A1BG: variants seen among roughly 807,000 people sequenced by gnomAD.
A1BG encodes the protein alpha-1B-glycoprotein.
A1BG carries 44 observed loss-of-function variants against 46.0 expected under a neutral mutation model. The observed-to-expected ratio is 0.96, with a 90% CI of 0.75 to 1.23. The LOEUF (loss-of-function observed/expected upper bound fraction) is 1.23. Among genes scored for constraint, A1BG ranks in the 50% most tolerant of loss-of-function variants. The probability of loss-of-function intolerance (pLI) is 0.00; values close to 1 mark genes in which losing one functional copy is unlikely to be tolerated. For missense variants in A1BG, 707 were observed against 688.8 expected, an observed-to-expected ratio of 1.03 and a Z score of -0.30; for synonymous variants, 316 against 314.7, an observed-to-expected ratio of 1.00 and a Z score of -0.04.
Position 58,353,010 on chromosome 19 carries a change from G to A in A1BG, c.258C>T (p.Asp86=), listed in dbSNP as rs756170844. Residue 86 remains aspartate (D), a synonymous_variant, in exon 3 of 8, where the codon GAC becomes GAT. Coordinates refer to ENST00000263100, the MANE Select transcript of A1BG (RefSeq NM_130786.4). ...AGCGGCAGCGGTAGCGGCCCTGGGT[G>A]TCACCCGTCAGCAGGAACTGGTGCT... is the stretch of plus-strand genomic sequence containing the variant. ...AIKHQFLLTG[D]TQGRYRCRSG... The A allele has an allele frequency of 1.2e-6, 2 of 1,614,046 alleles. No individual in the cohort carries two copies. The highest frequency in any genetic ancestry group is 3.3e-5 in the Admixed American group (2 of 60,020).
Position 58,353,479 on chromosome 19 carries a change from G to A in A1BG, c.-42C>T. 8.9e-6 allele frequency: 14 copies of A among 1,579,478 alleles called. No homozygotes were observed. The highest frequency in any genetic ancestry group is 1.4e-5 in the African/African-American group (1 of 72,674). On this transcript the variant is annotated 5_prime_UTR_variant, in exon 1 of 8. Coordinates refer to ENST00000263100, the MANE Select transcript of A1BG (RefSeq NM_130786.4). ...CCGGTGCAGTGAGTGTCTGGGGTGA[G>A]CGTCTGCAGCAATGAGGCCCCAAGG... is the stretch of plus-strand genomic sequence containing the variant.
intron 6 of A1BG, 186 bp from the exon 7 acceptor site, chr19:58,347,826 C>G: frequency 2.8e-6 from 1 of 356,900 alleles, no homozygotes; most frequent in Non-Finnish European, 5.0e-6. Context: ...CCTTCACACC[C>G]CGGACATCCG....
rs1277696407 is a variant in A1BG, at chr19:58,346,978, G to A, written c.*44C>T. 1.2e-6 allele frequency: 2 copies of A among 1,612,842 alleles called. No individual in the cohort carries two copies. The highest frequency in any genetic ancestry group is 2.2e-5 in the East Asian group (1 of 44,894). On this transcript the variant is annotated 3_prime_UTR_variant, in exon 8 of 8. Coordinates refer to ENST00000263100, the MANE Select transcript of A1BG (RefSeq NM_130786.4). ...GGGAGGGAGCCAGTCCAGAATCCCCGGCACTTCTGAGGACACCAACAGCAC... is the reference window on the plus strand; with the variant it reads ...GGGAGGGAGCCAGTCCAGAATCCCCAGCACTTCTGAGGACACCAACAGCAC...
At chr19:58,350,769 C>T in intron 5 of A1BG, 118 bp from the exon 6 acceptor site, 1 of 1,162,012 alleles carries the variant, frequency 8.6e-7, no homozygotes, top group South Asian at 2.7e-5. Context: ...ACCTGGCCAG[C>T]TTCCTCCCTC....
intron 5 of A1BG, chr19:58,351,162 C>G (rs964540745): frequency 1.6e-6 from 1 of 613,256 alleles, no homozygotes. Flanking sequence ...AGGTGGTGCC[C>G]CCTGTGGCCT....
At position 58,347,425 on chromosome 19, in the gene A1BG, A is replaced by T; in HGVS notation, c.1408T>A (p.Cys470Ser). ...VGPQHAGNYR[C>S]RYRSWVPHTF... The stretch of plus-strand genomic sequence containing the variant: ...TGGGGCACCCAGGAGCGGTAGCGGC[A>T]CCTGTAGTTGCCGGCGTGCTGGGGC... The change falls in exon 7 of 8, where the codon TGC (cysteine) becomes AGC (serine). Residue 470 changes from cysteine to serine, a missense_variant. Transcript: ENST00000263100. 6.2e-7 allele frequency: 1 copy of T among 1,610,666 alleles called. No individual in the cohort carries two copies. The highest frequency in any genetic ancestry group is 8.5e-7 in the Non-Finnish European group (1 of 1,178,794).
chr19:58,346,828 C>T lies in A1BG; in HGVS notation c.*194G>A. ...ACTTTGAGGACACGAGATCCCAGCC[C>T]ACTCAGCCCTGGGAGTCCAAAGACA... On this transcript the variant is annotated 3_prime_UTR_variant, in exon 8 of 8. Coordinates refer to ENST00000263100, the MANE Select transcript of A1BG (RefSeq NM_130786.4). The T allele has an allele frequency of 1.4e-6, 1 of 717,770 alleles. No homozygotes were observed. The highest frequency in any genetic ancestry group is 2.5e-6 in the Non-Finnish European group (1 of 395,162). 44.5% of individuals were successfully genotyped at this position (717,770 alleles called of 1,614,324 possible). A position where few individuals can be genotyped will look rare whatever the true frequency, so the allele number is the denominator to read the frequency against.
intron 6 of A1BG, chr19:58,349,107 C>G (rs1339682942): frequency 6.6e-6 from 1 of 152,044 alleles, no homozygotes; most frequent in Non-Finnish European, 1.5e-5. Flanking sequence ...CAAACTCCAC[C>G]TCCCGGGTTA....
chr19:58,347,044 A>G lies in A1BG; in HGVS notation c.1481-15T>C. The G allele has an allele frequency of 1.9e-6, 3 of 1,613,930 alleles. No individual in the cohort carries two copies. The highest frequency in any genetic ancestry group is 2.5e-6 in the Non-Finnish European group (3 of 1,179,904). On this transcript the variant is annotated splice_polypyrimidine_tract_variant and intron_variant, in intron 7 of 7. Coordinates refer to ENST00000263100, the MANE Select transcript of A1BG (RefSeq NM_130786.4). ...GCATCAGCTTTCTAGACAACGGGAG[A>G]AAAGAGAAATGGTGGAGGAGGGGAA... is the stretch of plus-strand genomic sequence containing the variant.
In A1BG at chr19:58,346,900, G is replaced by T; in HGVS notation, c.*122C>A. On this transcript the variant is annotated 3_prime_UTR_variant, in exon 8 of 8. Coordinates refer to ENST00000263100, the MANE Select transcript of A1BG (RefSeq NM_130786.4). ...ACATTTATTAATTCCTGGGAGGAAT[G>T]AGGGAGGCTTCTCCAGCCCCCCAGA... 2.0e-6 allele frequency: 2 copies of T among 1,005,086 alleles called. No individual in the cohort carries two copies. The highest frequency in any genetic ancestry group is 3.2e-6 in the Non-Finnish European group (2 of 624,378). 62.3% of individuals were successfully genotyped at this position (1,005,086 alleles called of 1,614,324 possible).
In A1BG at chr19:58,345,709, C is replaced by T. The variant is rs1291718764; in HGVS notation, c.*1313G>A. On this transcript the variant is annotated 3_prime_UTR_variant, in exon 8 of 8. Transcript: ENST00000263100. ...AGAAAAGGTTTTAAAAATTGATAAACCACTAGCAAGAAAGAGAGAGAGGAC... is the reference window on the plus strand; with the variant it reads ...AGAAAAGGTTTTAAAAATTGATAAATCACTAGCAAGAAAGAGAGAGAGGAC... The T allele has an allele frequency of 6.6e-6, 1 of 152,284 alleles. No individual in the cohort carries two copies. Among genetic ancestry groups the T allele is most frequent in the South Asian group, 2.1e-4 (1 of 4,842 alleles). 9.4% of individuals were successfully genotyped at this position (152,284 alleles called of 1,614,324 possible).
At chr19:58,351,795 CTTTTTTTT>C (rs11452992) in intron 4 of A1BG, 108 bp from the exon 5 acceptor site, 9 of 760,742 alleles carry the variant, frequency 1.2e-5, no homozygotes, top group African/African-American at 5.8e-5. Flanking sequence ...CCCTTCCATT[CTTTTTTTT>C]TTTTTTTTTT....
intron 6 of A1BG, chr19:58,349,716 T>C (rs1393538121): frequency 8.7e-6 from 1 of 115,500 alleles, no homozygotes; most frequent in African/African-American, 3.4e-5. Flanking sequence ...GGGGCAGAGA[T>C]GAGAGAGAGA....
intron 5 of A1BG, 73 bp downstream of exon 5, chr19:58,351,318 G>T (rs1372318963): frequency 1.2e-5 from 18 of 1,561,040 alleles, no homozygotes; most frequent in Non-Finnish European, 1.5e-5. Flanking sequence ...CACTTCCCCA[G>T]ACTCTACACC....
chr19:58,351,600 G>A lies in A1BG; in HGVS notation c.701C>T (p.Ala234Val). 3 of 1,613,756 alleles carry A rather than the reference G, an allele frequency of 1.9e-6. No individual in the cohort carries two copies. The highest frequency in any genetic ancestry group is 1.1e-5 in the South Asian group (1 of 91,078). ...CTGGAAGTCCACTCCACTCAGGGGA[G>A]CCACGCAGGTGAGGGTCACCTTGTT... ...PGNKVTLTCV[A>V]PLSGVDFQLR... Residue 234 changes from alanine (A) to valine (V), a missense_variant, in exon 5 of 8, where the codon GCT becomes GTT. Physicochemically the swap from Ala to Val is moderately conservative, Grantham distance 64. Coordinates refer to ENST00000263100, the MANE Select transcript of A1BG (RefSeq NM_130786.4).
chr19:58,347,120 C>G, intron 7 of A1BG, 91 bp from the exon 8 acceptor site: 1 of 1,524,540 alleles, frequency 6.6e-7, no homozygotes, highest in South Asian at 1.2e-5. Flanking sequence ...CCTGACGCCC[C>G]CCCGGAAGGA....
chr19:58,350,692 T>G, intron 5 of A1BG, 41 bp from the exon 6 acceptor site: 1 of 1,334,454 alleles, frequency 7.5e-7, no homozygotes, highest in Non-Finnish European at 9.5e-7. Flanking sequence ...GCCCAGCGGC[T>G]GGCTCGGCCC....
Position 58,347,546 on chromosome 19 carries a change from G to A in A1BG, c.1287C>T (p.Asp429=), listed in dbSNP as rs772563296. Residue 429 remains aspartate (D), a synonymous_variant, in exon 7 of 8, where the codon GAC becomes GAT. Coordinates refer to ENST00000263100, the MANE Select transcript of A1BG (RefSeq NM_130786.4). ...AVLRCEGPIP[D]VTFELLREGE... ...CCTCGCGCAGCAGCTCGAAGGTGAC[G>A]TCGGGGATGGGTCCCTCGCAGCGCA... The A allele has an allele frequency of 6.4e-7, 1 of 1,569,280 alleles. No homozygotes were observed. The highest frequency in any genetic ancestry group is 8.6e-7 in the Non-Finnish European group (1 of 1,160,302).
At chr19:58,349,851 A>T (rs1186551756) in intron 6 of A1BG, 1 of 152,604 alleles carries the variant, frequency 6.6e-6, no homozygotes, top group East Asian at 1.9e-4. Flanking sequence ...AAAAGAGAAA[A>T]CGGTGCTCCC....
Sources: allele counts gnomAD v4.1 joint callset, GRCh38; gene constraint gnomAD v4.1.1; transcripts MANE v1.5; gene names NCBI Gene and HGNC (gene_info 2026-07-23, HGNC 2026-07-21).